The following AFF2 variants were observed in gnomAD, a reference collection of about 807,000 sequenced individuals.
AFF2 encodes ALF transcription elongation factor 2.
Under a neutral mutation model 76.9 loss-of-function variants are expected in AFF2, and 14 were observed. That is an observed-to-expected ratio of 0.18 (90% CI 0.12 to 0.28). The LOEUF (loss-of-function observed/expected upper bound fraction) is 0.28, where lower values mean the gene tolerates loss of function less well. Ranked by LOEUF, AFF2 falls within the 10% of genes least tolerant of loss-of-function variation. The pLI is 1.00. For missense variants in AFF2, 868 were observed against 1,001.1 expected, an observed-to-expected ratio of 0.87 and a Z score of 1.79; for synonymous variants, 398 against 366.7, an observed-to-expected ratio of 1.09 and a Z score of -0.98.
intron 3 of AFF2, among the ~76,000 whole-genome samples, chrX:148,780,610 GTTC>G (rs1411311247): frequency 1.8e-5 from 2 of 111,602 alleles, no homozygotes; most frequent in African/African-American, 6.5e-5. Flanking sequence ...GGTCATTTAT[GTTC>G]TTCTCTAAAC....
chrX:148,865,488 A>G (rs1557276778), intron 7 of AFF2, among the ~76,000 whole-genome samples: 1 of 112,112 alleles, frequency 8.9e-6, no homozygotes, highest in East Asian at 2.8e-4. Context: ...AGGGAGAAAG[A>G]AACAGCGGGG....
chrX:148,917,420 C>T (rs943015548), intron 9 of AFF2, among the ~76,000 whole-genome samples: 5 of 112,427 alleles, frequency 4.4e-5, no homozygotes, highest in African/African-American at 1.6e-4. Flanking sequence ...ATGAAGTTAA[C>T]AGTTGAAAAC....
chrX:148,537,258 G>A (rs188907594), intron 1 of AFF2, among the ~76,000 whole-genome samples: 2 of 112,569 alleles, frequency 1.8e-5, no homozygotes, highest in East Asian at 5.6e-4. Flanking sequence ...ATGTTGAGAT[G>A]TTTTAGACAG....
At chrX:148,561,796 C>A (rs2053116055) in intron 1 of AFF2, among the ~76,000 whole-genome samples, 1 of 111,179 alleles carries the variant, frequency 9.0e-6, no homozygotes, top group Non-Finnish European at 1.9e-5. Flanking sequence ...TTTTCTTACC[C>A]ATTTTTATGA....
Position 148,991,409 on chromosome X carries a change from C to T in AFF2, c.*77C>T, listed in dbSNP as rs896164269. 2 of 1,020,330 alleles carry T rather than the reference C, an allele frequency of 2.0e-6. No individual in the cohort carries two copies. The highest frequency in any genetic ancestry group is 3.8e-5 in the African/African-American group (2 of 52,758). The allele number at this position is 1,020,330 out of a possible 1,213,427, so 84.1% of individuals were successfully genotyped here. On this transcript the variant is annotated 3_prime_UTR_variant, in exon 21 of 21. Transcript: ENST00000370460. ...CGCACTGATGGTCACTGGTGGAACT[C>T]CACTCACTGGGGAACGTTCTCTTTG...
chrX:148,708,453 A>G (rs937737594), intron 3 of AFF2, among the ~76,000 whole-genome samples: 4 of 112,087 alleles, frequency 3.6e-5, no homozygotes, highest in Non-Finnish European at 5.6e-5. Context: ...ATAAGCAACA[A>G]AAAAATCCCC....
chrX:148,866,872 C>A (rs939193921), intron 7 of AFF2, among the ~76,000 whole-genome samples: 2 of 112,156 alleles, frequency 1.8e-5, no homozygotes, highest in Non-Finnish European at 1.9e-5. Flanking sequence ...GTGTACATTG[C>A]TGAAGAGCTG....
chrX:148,585,228 T>C (rs983307333), intron 1 of AFF2, among the ~76,000 whole-genome samples: 26 of 111,653 alleles, frequency 2.3e-4, no homozygotes, highest in African/African-American at 8.5e-4. Context: ...AGACAGCTAC[T>C]GGGTACAAAC....
chrX:148,510,601 T>C (rs189019223), intron 1 of AFF2, among the ~76,000 whole-genome samples: 144 of 112,047 alleles, frequency 1.3e-3, no homozygotes, highest in African/African-American at 4.4e-3. Context: ...ATATGAGGCA[T>C]GACTTTCCAG....
chrX:148,764,461 A>G (rs1483954910), intron 3 of AFF2, among the ~76,000 whole-genome samples: 1 of 112,168 alleles, frequency 8.9e-6, no homozygotes, highest in African/African-American at 3.2e-5. Flanking sequence ...TGGACATGCA[A>G]ATTTGTTTGC....
At chrX:148,858,380 A>G (rs2070809705) in intron 7 of AFF2, among the ~76,000 whole-genome samples, 1 of 111,726 alleles carries the variant, frequency 9.0e-6, no homozygotes, top group African/African-American at 3.2e-5. Context: ...AAATTCTAGC[A>G]TATATTTCCA....
intron 7 of AFF2, among the ~76,000 whole-genome samples, chrX:148,869,408 A>G (rs184273401): frequency 1.0e-3 from 118 of 112,474 alleles, no homozygotes; most frequent in African/African-American, 3.1e-3. Context: ...ATAGATTAAA[A>G]ATAAAACAAA....
At chrX:148,951,586 T>C (rs1214015320) in intron 9 of AFF2, among the ~76,000 whole-genome samples, 10 of 112,222 alleles carry the variant, frequency 8.9e-5, no homozygotes, top group Non-Finnish European at 5.6e-5. Flanking sequence ...AGATGCTCTG[T>C]GTTATATTTA....
intron 1 of AFF2, among the ~76,000 whole-genome samples, chrX:148,643,534 CTA>C (rs2054111015): frequency 9.0e-6 from 1 of 111,516 alleles, no homozygotes; most frequent in African/African-American, 3.3e-5. Context: ...TAGGTCAGAA[CTA>C]AAGTTATTTT....
intron 3 of AFF2, among the ~76,000 whole-genome samples, chrX:148,773,685 G>GAAAGAAAGAAAGAAA (rs2069621002): frequency 2.9e-4 from 15 of 51,442 alleles, no homozygotes; most frequent in Non-Finnish European, 4.0e-4. Flanking sequence ...AAGGAAGGAA[G>GAAAGAAAGAAAGAAA]GAAAGAAAGA....
At chrX:148,709,101 A>G (rs2054925699) in intron 3 of AFF2, among the ~76,000 whole-genome samples, 1 of 111,712 alleles carries the variant, frequency 9.0e-6, no homozygotes, top group Non-Finnish European at 1.9e-5. Flanking sequence ...TTCACTTAGT[A>G]AGAACCTTTC....
At chrX:148,740,916 C>A (rs1242582628) in intron 3 of AFF2, among the ~76,000 whole-genome samples, 2 of 111,924 alleles carry the variant, frequency 1.8e-5, no homozygotes, top group Non-Finnish European at 3.8e-5. Context: ...ATTGTTGTCT[C>A]TCTTCTGGTT....
intron 2 of AFF2, among the ~76,000 whole-genome samples, chrX:148,656,816 G>A (rs1482847393): frequency 9.0e-6 from 1 of 111,594 alleles, no homozygotes; most frequent in Non-Finnish European, 1.9e-5. Flanking sequence ...TTTTAACTCA[G>A]AGAAGCGAGA....
intron 1 of AFF2, among the ~76,000 whole-genome samples, chrX:148,527,193 G>A (rs2052670212): frequency 8.9e-6 from 1 of 112,075 alleles, no homozygotes; most frequent in African/African-American, 3.2e-5. Flanking sequence ...GCACTGAGGG[G>A]AACACAAGAT....
Sources: allele counts gnomAD v4.1 joint callset (sites outside exome capture counted in the v4.1 genomes callset), GRCh38; gene constraint gnomAD v4.1.1; transcripts MANE v1.5; gene names NCBI Gene and HGNC (gene_info 2026-07-23, HGNC 2026-07-21).